The following FAM151A variants were observed in gnomAD, a reference collection of about 807,000 sequenced individuals.
FAM151A encodes protein FAM151A.
Under a neutral mutation model 40.4 loss-of-function variants are expected in FAM151A, and 41 were observed. The ratio of observed to expected loss-of-function variants is 1.01; its 90% CI spans 0.79 to 1.32. The LOEUF (loss-of-function observed/expected upper bound fraction) is 1.32. Ranked by LOEUF, FAM151A falls within the 40% of genes most tolerant of loss-of-function variation. The probability of loss-of-function intolerance (pLI) is 0.00; values close to 1 mark genes in which losing one functional copy is unlikely to be tolerated. For missense variants in FAM151A, 740 were observed against 740.4 expected (o/e 1.00, Z 0.01); for synonymous variants, 337 against 312.5 (o/e 1.08, Z -0.83).
chr1:54,610,061 TCTGTCAA>T, intron 7 of FAM151A, 120 bp from the exon 8 acceptor site: 1 of 1,442,268 alleles, frequency 6.9e-7, no homozygotes, highest in Admixed American at 2.8e-5. Context: ...CTCTCTGGAA[TCTGTCAA>T]CCCAGTTTTG....
chr1:54,611,871 G>T, intron 5 of FAM151A, 126 bp from the exon 6 acceptor site: 6 of 1,102,460 alleles, frequency 5.4e-6, no homozygotes, highest in Non-Finnish European at 6.5e-6. Flanking sequence ...TCGCCCACCT[G>T]CCACTTCTCC....
At position 54,623,337 on chromosome 1, in the gene FAM151A, G is replaced by T; in HGVS notation, c.59C>A (p.Thr20Asn). 2 of 1,614,090 alleles carry T rather than the reference G, an allele frequency of 1.2e-6. No homozygotes were observed. The highest frequency in any genetic ancestry group is 2.2e-5 in the South Asian group (2 of 91,076). ...NQVKWVFAGI[T>N]CVSVVVIAAI... ...GGCAATGACCACCACAGACACACAG[G>T]TAATGCCGGCAAACACCCACTTGAC... The change falls in exon 1 of 8, where the codon ACC (threonine) becomes AAC (asparagine). Residue 20 changes from threonine to asparagine, a missense_variant. Physicochemically the swap from Thr to Asn is moderately conservative, Grantham distance 65. Coordinates refer to ENST00000302250, the MANE Select transcript of FAM151A (RefSeq NM_176782.3).
chr1:54,622,846 TG>T (rs11365693), intron 1 of FAM151A, among the ~76,000 whole-genome samples: 151,968 of 151,992 alleles, frequency 1, 75,972 homozygotes, highest in Middle Eastern at 1. Flanking sequence ...GAGCTGTGGA[TG>T]GGGGAATGAG....
At chr1:54,621,396 G>T (rs1327339708) in intron 1 of FAM151A, 1 of 152,284 alleles carries the variant, frequency 6.6e-6, no homozygotes, top group South Asian at 2.1e-4. Flanking sequence ...GGCGGAGGTT[G>T]CACTGAACCC....
At chr1:54,620,231 C>T (rs139045816) in intron 1 of FAM151A, among the ~76,000 whole-genome samples, 6 of 152,298 alleles carry the variant, frequency 3.9e-5, no homozygotes, top group Non-Finnish European at 8.8e-5. Flanking sequence ...GGAAAGGGGG[C>T]AGGTTCACAG....
intron 2 of FAM151A, 94 bp downstream of exon 2, chr1:54,619,770 C>A: frequency 1.5e-6 from 2 of 1,333,018 alleles, no homozygotes; most frequent in East Asian, 4.7e-5. Flanking sequence ...AGCCATCATG[C>A]CACCACAGTG....
intron 2 of FAM151A, 43 bp downstream of exon 2, chr1:54,619,821 A>G: frequency 2.5e-6 from 4 of 1,602,850 alleles, no homozygotes; most frequent in Non-Finnish European, 2.6e-6. Flanking sequence ...TGTCTTCTCT[A>G]TCCCTTGCCC....
rs1644092250 is a variant in FAM151A at position 54,609,727 on chromosome 1, G to A, written c.1299C>T (p.Ser433=). The A allele has an allele frequency of 6.2e-7, 1 of 1,614,036 alleles. No individual in the cohort carries two copies. The highest frequency in any genetic ancestry group is 1.3e-5 in the African/African-American group (1 of 74,958). Residue 433 remains serine, a synonymous_variant, in exon 8 of 8, where the codon AGC becomes AGT. Transcript: ENST00000302250. ...ACACAGGCCAATGCAAGAGGCCAAG[G>A]CTGGAGAGGCGTGCCAGCAAGGCCA... ...PSLALLARLS[S]LGLLHWPVWV...
Position 54,610,451 on chromosome 1 carries a change from C to T in FAM151A, c.1045G>A (p.Val349Ile), listed in dbSNP as rs1008678067. Reference protein sequence around the residue: ...GLNVEWLVPDVQGSGKTATMT... With the variant: ...GLNVEWLVPDIQGSGKTATMT... ...GTTGCTGTTTTACCGCTGCCCTGGA[C>T]GTCAGGAACCAGCCACTCCACATTC... Residue 349 changes from valine (V) to isoleucine (I), a missense_variant, in exon 7 of 8, where the codon GTC becomes ATC. Val to Ile is a conservative substitution (Grantham distance 29, BLOSUM62 3). Transcript: ENST00000302250. 19 of 1,613,456 alleles carry T rather than the reference C, an allele frequency of 1.2e-5. No homozygotes were observed. The highest frequency in any genetic ancestry group is 5.3e-5 in the African/African-American group (4 of 74,916).
At position 54,609,485 on chromosome 1, in the gene FAM151A, G is replaced by A. The variant is rs763297462; in HGVS notation, c.1541C>T (p.Ala514Val). 2.5e-6 allele frequency: 4 copies of A among 1,613,326 alleles called. No homozygotes were observed. The African/African-American group carries it at 4.0e-5, about 16-fold the overall frequency. Residue 514 changes from alanine to valine, a missense_variant, in exon 8 of 8, where the codon GCC becomes GTC. Coordinates refer to ENST00000302250, the MANE Select transcript of FAM151A (RefSeq NM_176782.3). The part of the protein sequence containing the change: ...LWQPVSFQMQ[A>V]MLLGHSTAGA... ...AGCTGTGCTGTGGCCCAGCAGCATGGCCTGCATCTGGAAGGACACAGGTTG... is the reference window on the plus strand; with the variant it reads ...AGCTGTGCTGTGGCCCAGCAGCATGACCTGCATCTGGAAGGACACAGGTTG...
intron 2 of FAM151A, among the ~76,000 whole-genome samples, 163 bp from the exon 3 acceptor site, chr1:54,616,335 T>G (rs148385774): frequency 3.3e-5 from 5 of 152,146 alleles, no homozygotes; most frequent in African/African-American, 9.7e-5. Flanking sequence ...TTTCGATGAT[T>G]TTTTTTCTTC....
intron 3 of FAM151A, 76 bp downstream of exon 3, chr1:54,615,944 A>C: frequency 6.7e-7 from 1 of 1,493,798 alleles, no homozygotes; most frequent in Non-Finnish European, 9.2e-7. Context: ...CTTGCTTCCC[A>C]GTGAGGGATC....
At chr1:54,614,338 C>A (rs1217244047) in intron 4 of FAM151A, among the ~76,000 whole-genome samples, 1 of 152,146 alleles carries the variant, frequency 6.6e-6, no homozygotes, top group African/African-American at 2.4e-5. Context: ...GGGCACTTGG[C>A]CCTGTCTGCC....
In FAM151A at chr1:54,610,424, T is replaced by C; in HGVS notation, c.1072A>G (p.Met358Val). 1 of 1,613,402 alleles carries C rather than the reference T, an allele frequency of 6.2e-7. No homozygotes were observed. Among genetic ancestry groups the C allele is most frequent in the Middle Eastern group, 1.7e-4 (1 of 6,054 alleles). The change falls in exon 7 of 8, where the codon ATG (methionine) becomes GTG (valine). Residue 358 changes from methionine to valine, a missense_variant. Coordinates refer to ENST00000302250, the MANE Select transcript of FAM151A (RefSeq NM_176782.3). ...GGGTAGACCTTACCTGGGAGGGTCATTGTTGCTGTTTTACCGCTGCCCTGG... is the reference window on the plus strand; with the variant it reads ...GGGTAGACCTTACCTGGGAGGGTCACTGTTGCTGTTTTACCGCTGCCCTGG... The part of the protein sequence containing the change: ...DVQGSGKTAT[M>V]TLPDTEGMIL...
rs761118154 is a variant in FAM151A, at chr1:54,616,139, A to G, written c.296T>C (p.Val99Ala). 1 of 1,614,172 alleles carries G rather than the reference A, an allele frequency of 6.2e-7. No homozygotes were observed. Among genetic ancestry groups the G allele is most frequent in the Non-Finnish European group, 8.5e-7 (1 of 1,180,030 alleles). Residue 99 changes from valine (V) to alanine (A), a missense_variant, in exon 3 of 8, where the codon GTA becomes GCA. By Grantham distance (64) the Val-to-Ala change is moderately conservative (BLOSUM62 0). Transcript: ENST00000302250. ...NITVLEADVN[V>A]EGLGTANETG... The stretch of plus-strand genomic sequence containing the variant: ...CTCATTGGCTGTGCCGAGCCCTTCT[A>G]CATTGACGTCAGCCTCCAGGACTGT...
intron 1 of FAM151A, among the ~76,000 whole-genome samples, chr1:54,621,156 G>T (rs989713453): frequency 6.9e-5 from 10 of 144,488 alleles, no homozygotes; most frequent in African/African-American, 2.6e-4. Context: ...GTGAGACACT[G>T]TCTCAAAAAA....
At chr1:54,610,147 C>T in intron 7 of FAM151A, 1 of 1,433,272 alleles carries the variant, frequency 7.0e-7, no homozygotes, top group Non-Finnish European at 9.1e-7. Context: ...CAGCTCTTGG[C>T]CTTTACCCAT....
At chr1:54,614,970 T>C (rs535051504) in intron 3 of FAM151A, 111 bp from the exon 4 acceptor site, 88 of 697,016 alleles carry the variant, frequency 1.3e-4, no homozygotes, top group Admixed American at 7.0e-4. Flanking sequence ...GCGTGCACAG[T>C]GGAGTCAGGG....
intron 2 of FAM151A, among the ~76,000 whole-genome samples, chr1:54,617,347 C>T (rs1433353009): frequency 6.6e-6 from 1 of 152,030 alleles, no homozygotes; most frequent in Non-Finnish European, 1.5e-5. Context: ...CCTGCTTTCT[C>T]CCTGACTCCT....
Sources: gnomAD v4.1 joint callset for allele counts (sites outside exome capture counted in the v4.1 genomes callset) on GRCh38, gnomAD v4.1.1 for gene constraint, MANE v1.5 for transcripts, NCBI Gene and HGNC (gene_info 2026-07-23, HGNC 2026-07-21) for gene names.